ZNF654: variants seen among roughly 807,000 people sequenced by gnomAD.
The protein encoded by ZNF654 is melanoma-associated antigen.
In ZNF654, 19 loss-of-function variants were observed where a neutral mutation model predicts 95.3. That is an observed-to-expected ratio of 0.20 (90% CI 0.14 to 0.29). The LOEUF is 0.29. ZNF654 is among the 10% of genes least tolerant of loss of function. The pLI is 1.00. For synonymous variants in ZNF654, 413 were observed against 457.9 expected (o/e 0.90, Z 1.25); for missense variants, 1,046 against 1,341.0 (o/e 0.78, Z 3.44).
chr3:88,119,005 T>TA (rs1705588247), intron 3 of ZNF654, among the ~76,000 whole-genome samples: 1 of 149,464 alleles, frequency 6.7e-6, no homozygotes, highest in Non-Finnish European at 1.5e-5. Flanking sequence ...GAACTGGAAA[T>TA]ACCATTTGAC....
intron 2 of ZNF654, among the ~76,000 whole-genome samples, chr3:88,102,976 C>G (rs1206143602): frequency 1.3e-5 from 2 of 151,992 alleles, no homozygotes; most frequent in Admixed American, 1.3e-4. Context: ...TTTTTAAATC[C>G]TACCCTCTGC....
At chr3:88,104,928 C>T (rs1411945116) in intron 2 of ZNF654, among the ~76,000 whole-genome samples, 2 of 152,186 alleles carry the variant, frequency 1.3e-5, no homozygotes, top group Non-Finnish European at 2.9e-5. Context: ...TACTTCAGGC[C>T]GGAAGTTTGA....
chr3:88,109,809 A>C (rs577743968), intron 2 of ZNF654, among the ~76,000 whole-genome samples: 1 of 152,310 alleles, frequency 6.6e-6, no homozygotes, highest in East Asian at 1.9e-4. Flanking sequence ...AACATGGTAA[A>C]AAATAATATA....
At chr3:88,072,342 G>A (rs1707561884) in intron 1 of ZNF654, among the ~76,000 whole-genome samples, 1 of 152,150 alleles carries the variant, frequency 6.6e-6, no homozygotes. Context: ...TTAAAGGTAT[G>A]AGTGAGGCCT....
chr3:88,073,756 T>TA lies in ZNF654; in HGVS notation c.187-12494dup, dbSNP rs34990621. 3.0e-3 allele frequency among the ~76,000 whole-genome samples: 460 copies of TA among 152,238 alleles called. 3 individuals are homozygous for TA. Among genetic ancestry groups the TA allele is most frequent in the African/African-American group, 0.011 (441 of 41,550 alleles). On this transcript the variant is annotated intron_variant, in intron 1 of 8. Coordinates refer to ENST00000636215, the MANE Select transcript of ZNF654 (RefSeq NM_001350134.2). ...GTTTGAAGAGTTAGTGCATTCTTCT[T>TA]AAAAAAAGGAAGAGTAAAAATTGTT...
intron 4 of ZNF654, among the ~76,000 whole-genome samples, chr3:88,127,381 G>A (rs1405175240): frequency 6.6e-6 from 1 of 152,000 alleles, no homozygotes; most frequent in African/African-American, 2.4e-5. Flanking sequence ...ACGTGACAGT[G>A]TTATGAAGAA....
At chr3:88,126,870 A>G (rs115000467) in intron 4 of ZNF654, among the ~76,000 whole-genome samples, 1 of 152,202 alleles carries the variant, frequency 6.6e-6, no homozygotes, top group African/African-American at 2.4e-5. Flanking sequence ...TTCATGCATT[A>G]GAAGTTTTGT....
intron 1 of ZNF654, among the ~76,000 whole-genome samples, chr3:88,062,200 A>G (rs2107582886): frequency 6.6e-6 from 1 of 152,310 alleles, no homozygotes; most frequent in African/African-American, 2.4e-5. Context: ...AAGGTAGGGG[A>G]AAGTAACTTT....
intron 2 of ZNF654, among the ~76,000 whole-genome samples, chr3:88,087,089 T>G (rs943517885): frequency 2.7e-5 from 4 of 149,542 alleles, no homozygotes; most frequent in African/African-American, 9.9e-5. Context: ...GCCCATTGTT[T>G]TGTTTTTTTG....
chr3:88,124,135 G>A (rs1017881230), intron 3 of ZNF654, among the ~76,000 whole-genome samples: 5 of 152,146 alleles, frequency 3.3e-5, no homozygotes, highest in Non-Finnish European at 7.3e-5. Context: ...TAAAATACTA[G>A]AAGAAATAAT....
chr3:88,086,510 A>G (rs1234188372), intron 2 of ZNF654, 108 bp downstream of exon 2: 3 of 975,436 alleles, frequency 3.1e-6, no homozygotes, highest in Non-Finnish European at 1.4e-6. Flanking sequence ...GTATTCCCTC[A>G]AAAAGAAATG....
chr3:88,121,010 G>GT lies in ZNF654; in HGVS notation c.415-5122dup, dbSNP rs751355242. On this transcript the variant is annotated intron_variant, in intron 3 of 8. Coordinates refer to ENST00000636215, the MANE Select transcript of ZNF654 (RefSeq NM_001350134.2). ...GTGGTGCTTAAAAGCTAGGTGATGG[G>GT]TTGATAGGTGCAGAAAACCACCATG... 2.0e-5 allele frequency among the ~76,000 whole-genome samples: 3 copies of GT among 152,082 alleles called. No individual in the cohort carries two copies. The East Asian group carries it at 5.8e-4, about 29-fold the overall frequency.
intron 1 of ZNF654, among the ~76,000 whole-genome samples, chr3:88,063,838 C>T (rs1042067872): frequency 6.6e-6 from 1 of 152,022 alleles, no homozygotes; most frequent in Non-Finnish European, 1.5e-5. Flanking sequence ...CTTAGCATCC[C>T]GAGTTTGTGT....
At chr3:88,104,678 T>G (rs1704626523) in intron 2 of ZNF654, among the ~76,000 whole-genome samples, 1 of 152,134 alleles carries the variant, frequency 6.6e-6, no homozygotes. Flanking sequence ...AACTCTAGAG[T>G]AACCGCTAAA....
chr3:88,062,252 G>A (rs1175367521), intron 1 of ZNF654, among the ~76,000 whole-genome samples: 1 of 152,182 alleles, frequency 6.6e-6, no homozygotes, highest in East Asian at 1.9e-4. Flanking sequence ...ACAGCAAGTA[G>A]CATAGTTGAA....
chr3:88,080,016 T>C (rs1196462479), intron 1 of ZNF654, among the ~76,000 whole-genome samples: 1 of 152,110 alleles, frequency 6.6e-6, no homozygotes, highest in Non-Finnish European at 1.5e-5. Flanking sequence ...AAAGGTCAAA[T>C]TGACAAGTGA....
At chr3:88,097,850 T>C (rs1233062913) in intron 2 of ZNF654, among the ~76,000 whole-genome samples, 2 of 152,160 alleles carry the variant, frequency 1.3e-5, no homozygotes, top group Non-Finnish European at 2.9e-5. Flanking sequence ...GAGGGAAATT[T>C]ATAGCACTAA....
chr3:88,102,678 G>A (rs1315244903), intron 2 of ZNF654, among the ~76,000 whole-genome samples: 1 of 152,028 alleles, frequency 6.6e-6, no homozygotes, highest in Admixed American at 6.6e-5. Flanking sequence ...TGCACAGAAG[G>A]TCATGATACC....
intron 2 of ZNF654, among the ~76,000 whole-genome samples, chr3:88,088,756 GTATGT>G (rs1369970716): frequency 8.0e-4 from 115 of 143,790 alleles, no homozygotes; most frequent in Non-Finnish European, 1.3e-3. Flanking sequence ...ATGTATGTAT[GTATGT>G]ATGGATGGAT....
Sources: allele counts gnomAD v4.1 joint callset (sites outside exome capture counted in the v4.1 genomes callset), GRCh38; gene constraint gnomAD v4.1.1; transcripts MANE v1.5; gene names NCBI Gene and HGNC (gene_info 2026-07-23, HGNC 2026-07-21).